The following SEMA3A variants were observed in gnomAD, a reference collection of about 807,000 sequenced individuals.
SEMA3A encodes semaphorin 3A.
A neutral mutation model predicts 97.9 loss-of-function variants in SEMA3A; 29 were observed. The observed-to-expected ratio is 0.30, with a 90% CI of 0.22 to 0.40. The LOEUF is 0.40. Among genes scored for constraint, SEMA3A ranks in the 10% least tolerant of loss-of-function variants. The pLI is 1.00. For missense variants in SEMA3A, 763 were observed against 951.3 expected, an observed-to-expected ratio of 0.80 and a Z score of 2.60; for synonymous variants, 321 against 323.7, an observed-to-expected ratio of 0.99 and a Z score of 0.09.
At chr7:84,424,555 A>G (rs1311381747) in intron 1 of SEMA3A, among the ~76,000 whole-genome samples, 1 of 79,126 alleles carries the variant, frequency 1.3e-5, no homozygotes, top group Admixed American at 2.4e-4. Flanking sequence ...AATATATATT[A>G]TATATAATAT....
intron 3 of SEMA3A, among the ~76,000 whole-genome samples, chr7:84,277,797 A>G (rs1226506366): frequency 6.6e-6 from 1 of 152,086 alleles, no homozygotes; most frequent in Admixed American, 6.6e-5. Flanking sequence ...AAGACCTCTG[A>G]TGAGACTGGC....
At chr7:84,450,523 T>G (rs967985745) in intron 1 of SEMA3A, among the ~76,000 whole-genome samples, 1 of 152,214 alleles carries the variant, frequency 6.6e-6, no homozygotes, top group African/African-American at 2.4e-5. Flanking sequence ...TGTGATGCAA[T>G]GTATGGCACA....
intron 1 of SEMA3A, among the ~76,000 whole-genome samples, chr7:84,164,535 T>A (rs534969124): frequency 6.6e-6 from 1 of 152,282 alleles, no homozygotes; most frequent in East Asian, 1.9e-4. Context: ...AATACTCTGA[T>A]AACAGCAACA....
chr7:84,347,573 G>A (rs1584255105), intron 2 of SEMA3A, among the ~76,000 whole-genome samples: 2 of 151,796 alleles, frequency 1.3e-5, no homozygotes, highest in South Asian at 2.1e-4. Flanking sequence ...CACCACGCCC[G>A]GCTAATTTTT....
At position 84,053,125 on chromosome 7, in the gene SEMA3A, A is replaced by C. The variant is rs1403179975; in HGVS notation, c.548-6682T>G. Among the ~76,000 whole-genome samples, 3 of 137,848 alleles carry C rather than the reference A, an allele frequency of 2.2e-5. 1 individual carries two copies. The highest frequency in any genetic ancestry group is 3.2e-5 in the Non-Finnish European group (2 of 61,956). 90.4% of individuals were successfully genotyped at this position (137,848 alleles called of 152,430 possible). ...TTTTACATTTGCTGAGGAGAGCTTTACTTCCAACTATGTGGTCAATTTTGG... is the reference window on the plus strand; with the variant it reads ...TTTTACATTTGCTGAGGAGAGCTTTCCTTCCAACTATGTGGTCAATTTTGG... On this transcript the variant is annotated intron_variant, in intron 5 of 16. Coordinates refer to ENST00000265362, the MANE Select transcript of SEMA3A (RefSeq NM_006080.3).
chr7:84,050,891 G>A (rs1483374423), intron 5 of SEMA3A, among the ~76,000 whole-genome samples: 1 of 151,226 alleles, frequency 6.6e-6, no homozygotes. Context: ...TTTGTATAAG[G>A]TGTAAGGAAG....
chr7:84,418,379 T>C (rs1804489887), intron 1 of SEMA3A, among the ~76,000 whole-genome samples: 1 of 152,026 alleles, frequency 6.6e-6, no homozygotes, highest in East Asian at 1.9e-4. Context: ...TATTCACTAC[T>C]ATGAGAACAG....
chr7:84,278,179 G>C (rs1351486213), intron 3 of SEMA3A, among the ~76,000 whole-genome samples: 1 of 152,094 alleles, frequency 6.6e-6, no homozygotes, highest in Admixed American at 6.6e-5. Context: ...CCCTAGGGCA[G>C]GGGTACAATA....
rs1042079371 is a variant in SEMA3A at position 84,154,396 on chromosome 7, CG to C, written c.113-19446del. Among the ~76,000 whole-genome samples, 63 of 151,928 alleles carry C rather than the reference CG, an allele frequency of 4.1e-4. 1 individual carries two copies. In the Middle Eastern group the frequency reaches 0.014, roughly 33 times the overall value. ...AATAGAACATAAAGACAGGTGATGA[CG>C]CCGGGTACGATGGCTCACGCCTGTA... On this transcript the variant is annotated intron_variant, in intron 1 of 16. Coordinates refer to ENST00000265362, the MANE Select transcript of SEMA3A (RefSeq NM_006080.3).
chr7:84,418,946 C>CAT (rs199617766), intron 1 of SEMA3A, among the ~76,000 whole-genome samples: 20 of 149,082 alleles, frequency 1.3e-4, no homozygotes, highest in South Asian at 1.3e-3. Context: ...TATATCTACA[C>CAT]ATATATATAT....
intron 1 of SEMA3A, among the ~76,000 whole-genome samples, chr7:84,163,824 T>C (rs954121660): frequency 3.3e-5 from 5 of 151,528 alleles, no homozygotes; most frequent in Admixed American, 6.6e-5. Flanking sequence ...AAAATGGCAA[T>C]TGATTTCACA....
At chr7:84,257,410 C>T (rs917074801) in intron 3 of SEMA3A, among the ~76,000 whole-genome samples, 5 of 152,006 alleles carry the variant, frequency 3.3e-5, no homozygotes, top group African/African-American at 1.2e-4. Flanking sequence ...ATTAGGAAAC[C>T]GGGACCATAA....
chr7:84,201,513 C>G (rs573666915), intron 3 of SEMA3A, among the ~76,000 whole-genome samples: 4 of 152,140 alleles, frequency 2.6e-5, no homozygotes, highest in South Asian at 2.1e-4. Context: ...TCCCCGCCCC[C>G]CAATGTGTAG....
chr7:84,024,671 C>T (rs1452411851), intron 6 of SEMA3A, among the ~76,000 whole-genome samples: 2 of 152,214 alleles, frequency 1.3e-5, no homozygotes, highest in African/African-American at 4.8e-5. Context: ...AATACACATA[C>T]ATCTATCTAT....
At chr7:84,468,479 G>T (rs1247056062) in intron 1 of SEMA3A, among the ~76,000 whole-genome samples, 5 of 152,020 alleles carry the variant, frequency 3.3e-5, no homozygotes, top group African/African-American at 1.2e-4. Flanking sequence ...ATAAAGTTTT[G>T]ATCTTTTTTT....
At chr7:84,009,170 A>G (rs1413483010) in intron 9 of SEMA3A, among the ~76,000 whole-genome samples, 1 of 152,192 alleles carries the variant, frequency 6.6e-6, no homozygotes, top group Non-Finnish European at 1.5e-5. Flanking sequence ...GAAACTCTGG[A>G]GGCAAGGCCT....
In SEMA3A at chr7:83,958,193, A is replaced by G. The variant is rs1018415536; in HGVS notation, c.*3178T>C. ...GGGCATAAAAATTCACATCATCACC[A>G]TAAATATAGAACCCAGTTTACAGAT... On this transcript the variant is annotated 3_prime_UTR_variant, in exon 17 of 17. Coordinates refer to ENST00000265362, the MANE Select transcript of SEMA3A (RefSeq NM_006080.3). 1 of 152,364 alleles carries G rather than the reference A, an allele frequency of 6.6e-6. No homozygotes were observed. Among genetic ancestry groups the G allele is most frequent in the South Asian group, 2.1e-4 (1 of 4,828 alleles). 9.4% of individuals were successfully genotyped at this position (152,364 alleles called of 1,614,324 possible).
intron 3 of SEMA3A, among the ~76,000 whole-genome samples, chr7:84,233,102 C>T (rs147967549): frequency 1.3e-5 from 2 of 152,100 alleles, no homozygotes; most frequent in Non-Finnish European, 2.9e-5. Context: ...TTACCCATTG[C>T]CTGACTAATG....
chr7:84,208,278 C>T (rs538793133), intron 3 of SEMA3A, among the ~76,000 whole-genome samples: 3 of 152,154 alleles, frequency 2.0e-5, no homozygotes, highest in East Asian at 1.9e-4. Context: ...TGGTGAAACC[C>T]CGCCTCTACT....
Sources: gnomAD v4.1 joint callset for allele counts (sites outside exome capture counted in the v4.1 genomes callset) on GRCh38, gnomAD v4.1.1 for gene constraint, MANE v1.5 for transcripts, NCBI Gene and HGNC (gene_info 2026-07-23, HGNC 2026-07-21) for gene names.